Variants in FGF14 observed in about 807,000 individuals in gnomAD.
FGF14 encodes fibroblast growth factor 14.
A neutral mutation model predicts 25.5 loss-of-function variants in FGF14; 5 were observed. The observed-to-expected ratio is 0.20, with a 90% CI of 0.10 to 0.41. The LOEUF is 0.41. Among genes scored for constraint, FGF14 ranks in the 10% least tolerant of loss-of-function variants. FGF14 has a pLI of 1.00. For missense variants in FGF14, 222 were observed against 320.1 expected, an observed-to-expected ratio of 0.69 and a Z score of 2.34; for synonymous variants, 138 against 118.3, an observed-to-expected ratio of 1.17 and a Z score of -1.08.
chr13:101,797,757 G>GTA (rs2040621178), intron 3 of FGF14, among the ~76,000 whole-genome samples: 4 of 150,224 alleles, frequency 2.7e-5, no homozygotes, highest in Non-Finnish European at 5.9e-5. Flanking sequence ...GTGTGTGTGT[G>GTA]TGTGTGTGTG....
intron 1 of FGF14, among the ~76,000 whole-genome samples, chr13:102,375,768 A>C (rs934315790): frequency 2.6e-5 from 4 of 152,232 alleles, no homozygotes; most frequent in Non-Finnish European, 5.9e-5. Flanking sequence ...TATCAATAAA[A>C]GCTATCTGCC....
chr13:102,149,465 C>A (rs2046989346), intron 1 of FGF14, among the ~76,000 whole-genome samples: 1 of 152,166 alleles, frequency 6.6e-6, no homozygotes, highest in Non-Finnish European at 1.5e-5. Flanking sequence ...AAGACCCTGA[C>A]ATCACACTCA....
At chr13:102,189,045 A>G (rs2049018013) in intron 1 of FGF14, among the ~76,000 whole-genome samples, 1 of 73,830 alleles carries the variant, frequency 1.4e-5, no homozygotes, top group African/African-American at 4.8e-5. Flanking sequence ...AAAGAAAGAG[A>G]AAGAATGAAA....
At chr13:102,253,991 A>G (rs1194906022) in intron 1 of FGF14, among the ~76,000 whole-genome samples, 1 of 152,148 alleles carries the variant, frequency 6.6e-6, no homozygotes, top group Non-Finnish European at 1.5e-5. Context: ...ACCTCATGTG[A>G]TTTTGAACTA....
chr13:101,904,821 A>T (rs2032033140), intron 1 of FGF14, among the ~76,000 whole-genome samples: 1 of 152,260 alleles, frequency 6.6e-6, no homozygotes, highest in Non-Finnish European at 1.5e-5. Context: ...AAAATGTGTC[A>T]GTTCAGCAGC....
At chr13:102,031,988 G>A (rs1000165239) in intron 1 of FGF14, among the ~76,000 whole-genome samples, 3 of 151,990 alleles carry the variant, frequency 2.0e-5, no homozygotes, top group Non-Finnish European at 2.9e-5. Flanking sequence ...TAGCCTCCTG[G>A]CACAGGAATC....
chr13:101,994,723 G>A (rs2039088903), intron 1 of FGF14, among the ~76,000 whole-genome samples: 1 of 151,982 alleles, frequency 6.6e-6, no homozygotes, highest in Non-Finnish European at 1.5e-5. Flanking sequence ...TTAAATATGA[G>A]CTAATATAAA....
At position 101,714,264 on chromosome 13, in the gene FGF14, C is replaced by A; in HGVS notation, c.*8567G>T. Reference sequence around the variant, plus strand: ...CATAATGAAGGCTTTCCTGGGTGACCTTTATGAATTACAGTAAGTAAAGCT... The same window carrying A: ...CATAATGAAGGCTTTCCTGGGTGACATTTATGAATTACAGTAAGTAAAGCT... On this transcript the variant is annotated 3_prime_UTR_variant, in exon 5 of 5. Transcript: ENST00000376143. 1 of 601,224 alleles carries A rather than the reference C, an allele frequency of 1.7e-6. No homozygotes were observed. The highest frequency in any genetic ancestry group is 3.0e-6 in the Non-Finnish European group (1 of 335,978). 37.2% of individuals were successfully genotyped at this position (601,224 alleles called of 1,614,324 possible). A position where few individuals can be genotyped will look rare whatever the true frequency, so the allele number is the denominator to read the frequency against.
At chr13:102,345,736 T>G (rs2057086997) in intron 1 of FGF14, among the ~76,000 whole-genome samples, 1 of 152,238 alleles carries the variant, frequency 6.6e-6, no homozygotes, top group Admixed American at 6.5e-5. Flanking sequence ...TTATTTACTT[T>G]TATGAAACTC....
intron 1 of FGF14, among the ~76,000 whole-genome samples, chr13:102,149,077 G>A (rs2046972718): frequency 6.6e-6 from 1 of 152,092 alleles, no homozygotes; most frequent in South Asian, 2.1e-4. Context: ...CTTACTATGT[G>A]TTAAGCTATA....
intron 1 of FGF14, among the ~76,000 whole-genome samples, chr13:102,022,552 G>T (rs1417726639): frequency 6.6e-6 from 1 of 152,002 alleles, no homozygotes; most frequent in East Asian, 1.9e-4. Context: ...GATGGCTGGA[G>T]AATTATAAAT....
intron 1 of FGF14, among the ~76,000 whole-genome samples, chr13:101,890,711 G>A (rs1301793375): frequency 6.6e-6 from 1 of 152,150 alleles, no homozygotes; most frequent in South Asian, 2.1e-4. Context: ...TCCTGTAGCT[G>A]CGCATTACCT....
chr13:102,140,120 T>C (rs572576272), intron 1 of FGF14, among the ~76,000 whole-genome samples: 6 of 148,602 alleles, frequency 4.0e-5, no homozygotes, highest in Admixed American at 1.3e-4. Flanking sequence ...TAGTAAGATT[T>C]GGAGAATCTT....
intron 1 of FGF14, among the ~76,000 whole-genome samples, chr13:102,005,392 CA>C (rs1364412878): frequency 6.6e-6 from 1 of 152,168 alleles, no homozygotes; most frequent in Non-Finnish European, 1.5e-5. Flanking sequence ...CAGCACCATA[CA>C]AAACATTTAA....
At chr13:102,085,755 C>G (rs1485947536) in intron 1 of FGF14, among the ~76,000 whole-genome samples, 1 of 152,218 alleles carries the variant, frequency 6.6e-6, no homozygotes, top group Non-Finnish European at 1.5e-5. Flanking sequence ...AATCACTTAA[C>G]TTCTTCTTTG....
At chr13:102,065,417 T>C (rs1371391878) in intron 1 of FGF14, among the ~76,000 whole-genome samples, 15 of 152,106 alleles carry the variant, frequency 9.9e-5, no homozygotes, top group Non-Finnish European at 2.9e-5. Flanking sequence ...GAGTATACAA[T>C]GACACAGTTT....
At chr13:101,943,824 A>ATATATATAT (rs553788083) in intron 1 of FGF14, among the ~76,000 whole-genome samples, 129 of 126,904 alleles carry the variant, frequency 1.0e-3, no homozygotes, top group African/African-American at 4.6e-3. Flanking sequence ...AAAAAAAAAA[A>ATATATATAT]AAATATATAT....
intron 1 of FGF14, among the ~76,000 whole-genome samples, chr13:102,237,168 G>T (rs896645164): frequency 6.6e-6 from 1 of 152,172 alleles, no homozygotes; most frequent in Non-Finnish European, 1.5e-5. Context: ...CTGATAGAGC[G>T]TTATCTCAAC....
At chr13:101,978,553 A>C (rs914918797) in intron 1 of FGF14, among the ~76,000 whole-genome samples, 2 of 152,248 alleles carry the variant, frequency 1.3e-5, no homozygotes, top group Non-Finnish European at 2.9e-5. Context: ...GAAAACAAAG[A>C]GATAGCTTTA....
Sources: gnomAD v4.1 joint callset for allele counts (sites outside exome capture counted in the v4.1 genomes callset) on GRCh38, gnomAD v4.1.1 for gene constraint, MANE v1.5 for transcripts, NCBI Gene and HGNC (gene_info 2026-07-23, HGNC 2026-07-21) for gene names.